PCDHAC1: variants seen among roughly 807,000 people sequenced by gnomAD.
PCDHAC1 encodes the protein protocadherin alpha subfamily C, 1.
Under a neutral mutation model 60.0 loss-of-function variants are expected in PCDHAC1, and 42 were observed. The ratio of observed to expected loss-of-function variants is 0.70; its 90% CI spans 0.55 to 0.90. The LOEUF (loss-of-function observed/expected upper bound fraction) is 0.90. Ranked by LOEUF, PCDHAC1 falls within the 40% of genes least tolerant of loss-of-function variation. The probability of loss-of-function intolerance (pLI) is 0.00; values close to 1 mark genes in which losing one functional copy is unlikely to be tolerated. For synonymous variants in PCDHAC1, 468 were observed against 499.3 expected (o/e 0.94, Z 0.84); for missense variants, 1,160 against 1,222.3 (o/e 0.95, Z 0.76).
intron 1 of PCDHAC1, among the ~76,000 whole-genome samples, chr5:140,937,039 CTTTT>C (rs34994034): frequency 1.4e-5 from 2 of 140,156 alleles, no homozygotes; most frequent in African/African-American, 2.6e-5. Flanking sequence ...TTCCATTTAT[CTTTT>C]TTTTTTTTTT....
intron 1 of PCDHAC1, among the ~76,000 whole-genome samples, chr5:140,955,756 A>G (rs987029779): frequency 2.6e-5 from 4 of 152,182 alleles, no homozygotes; most frequent in African/African-American, 9.7e-5. Flanking sequence ...TATTGCCATA[A>G]CACTGATTCT....
At chr5:140,931,390 G>A (rs1296292494) in intron 1 of PCDHAC1, among the ~76,000 whole-genome samples, 1 of 152,038 alleles carries the variant, frequency 6.6e-6, no homozygotes, top group Non-Finnish European at 1.5e-5. Flanking sequence ...GGAAACATAA[G>A]TAAGCGATAG....
At chr5:140,994,451 C>T (rs782287082) in intron 3 of PCDHAC1, among the ~76,000 whole-genome samples, 14 of 152,116 alleles carry the variant, frequency 9.2e-5, no homozygotes, top group Non-Finnish European at 1.6e-4. Flanking sequence ...ACCTGTGATC[C>T]CAGCACTTTG....
At chr5:140,992,643 A>C (rs1215653539) in intron 3 of PCDHAC1, among the ~76,000 whole-genome samples, 1 of 152,148 alleles carries the variant, frequency 6.6e-6, no homozygotes. Context: ...CCTGGAAAAT[A>C]GAAGAAAGAG....
intron 3 of PCDHAC1, among the ~76,000 whole-genome samples, chr5:141,000,421 ATTTT>A (rs34755515): frequency 0.018 from 509 of 27,798 alleles, 2 homozygotes; most frequent in African/African-American, 0.027. Context: ...ATATATATAT[ATTTT>A]TTTTTTTTTT....
In PCDHAC1 at chr5:141,011,378, C is replaced by T. The variant is rs1419825590; in HGVS notation, c.*1441C>T. 1 of 153,742 alleles carries T rather than the reference C, an allele frequency of 6.5e-6. No individual in the cohort carries two copies. Among genetic ancestry groups the T allele is most frequent in the African/African-American group, 2.4e-5 (1 of 41,460 alleles). The allele number at this position is 153,742 out of a possible 1,614,324, so 9.5% of individuals were successfully genotyped here. Reference sequence around the variant, plus strand: ...ATGTATGCTGTATGCTATGCTAAGACTCCTGAAATATACTTACTCTGTGCT... The same window carrying T: ...ATGTATGCTGTATGCTATGCTAAGATTCCTGAAATATACTTACTCTGTGCT... On this transcript the variant is annotated 3_prime_UTR_variant, in exon 4 of 4. Coordinates refer to ENST00000253807, the MANE Select transcript of PCDHAC1 (RefSeq NM_018898.5).
chr5:140,947,290 T>G (rs1554218137), intron 1 of PCDHAC1, among the ~76,000 whole-genome samples: 2 of 151,614 alleles, frequency 1.3e-5, no homozygotes, highest in Non-Finnish European at 3.0e-5. Context: ...TTTTATTGCA[T>G]TATCTTGACA....
chr5:140,998,893 C>T (rs144409989), intron 3 of PCDHAC1, among the ~76,000 whole-genome samples: 1 of 152,306 alleles, frequency 6.6e-6, no homozygotes, highest in African/African-American at 2.4e-5. Flanking sequence ...GAATAAATAA[C>T]AATGCCTCCG....
chr5:140,929,311 A>G lies in PCDHAC1; in HGVS notation c.2419A>G (p.Asn807Asp), dbSNP rs782099747. ...QIRNRKGDHANVNAMPRQPNP... is the reference protein window; with the variant it reads ...QIRNRKGDHADVNAMPRQPNP... The stretch of plus-strand genomic sequence containing the variant: ...TCGGAATAGGAAAGGGGATCACGCT[A>G]ATGTCAATGCCATGGTAAGCAAATT... The change falls in exon 1 of 4, where the codon AAT becomes GAT. Residue 807 changes from asparagine (N) to aspartate (D), a missense_variant. Physicochemically the swap from Asn to Asp is conservative, Grantham distance 23. This residue lies in a region of PCDHAC1 where 1,113 missense variants were observed against 1,163.7 expected (regional missense o/e 0.96). Coordinates refer to ENST00000253807, the MANE Select transcript of PCDHAC1 (RefSeq NM_018898.5). The G allele has an allele frequency of 1.9e-6, 3 of 1,567,640 alleles. No individual in the cohort carries two copies. The South Asian group carries it at 3.5e-5, about 18-fold the overall frequency.
chr5:140,971,973 A>G (rs1554233757), intron 1 of PCDHAC1, among the ~76,000 whole-genome samples: 1 of 152,218 alleles, frequency 6.6e-6, no homozygotes, highest in South Asian at 2.1e-4. Flanking sequence ...TTTCAATACT[A>G]TGAGTAGACA....
At chr5:140,943,718 C>G (rs2093552773) in intron 1 of PCDHAC1, among the ~76,000 whole-genome samples, 1 of 152,020 alleles carries the variant, frequency 6.6e-6, no homozygotes, top group South Asian at 2.1e-4. Flanking sequence ...ATTTAAAGGT[C>G]TGAGAGAATG....
rs2085123670 is a variant in PCDHAC1 at position 140,928,293 on chromosome 5, G to GT, written c.1404dup (p.Ala469CysfsTer15). The GT allele has an allele frequency of 6.2e-7, 1 of 1,614,032 alleles. No individual in the cohort carries two copies. The highest frequency in any genetic ancestry group is 1.1e-5 in the South Asian group (1 of 91,090). The stretch of plus-strand genomic sequence containing the variant: ...GCCCTGGGGCCTCTCTAGGCCGAGT[G>GT]TTTGCCCAGGACCCCGACCTGGGGA... On this transcript the variant is annotated frameshift_variant, in exon 1 of 4. Coordinates refer to ENST00000253807, the MANE Select transcript of PCDHAC1 (RefSeq NM_018898.5). LOFTEE classifies it high-confidence loss of function.
At chr5:141,009,538 C>T (rs1159631714) in intron 3 of PCDHAC1, 89 bp from the exon 4 acceptor site, 11 of 1,522,362 alleles carry the variant, frequency 7.2e-6, no homozygotes, top group African/African-American at 1.4e-5. Context: ...GTTCAGCCTG[C>T]CTATGCAGTA....
At chr5:140,936,552 T>C (rs1408956922) in intron 1 of PCDHAC1, among the ~76,000 whole-genome samples, 5 of 152,234 alleles carry the variant, frequency 3.3e-5, no homozygotes, top group Admixed American at 3.3e-4. Flanking sequence ...AATGTAGAAG[T>C]CAAGATTTAT....
rs1476497862 is a variant in PCDHAC1 at position 140,947,129 on chromosome 5, T to TAGTAAAATG, written c.2433+17805_2433+17813dup. Among the ~76,000 whole-genome samples the TAGTAAAATG allele has an allele frequency of 1.0e-3, 152 of 151,378 alleles. 1 individual carries two copies. Among genetic ancestry groups the TAGTAAAATG allele is most frequent in the African/African-American group, 3.5e-3 (145 of 41,346 alleles). On this transcript the variant is annotated intron_variant, in intron 1 of 3. Transcript: ENST00000253807. The stretch of plus-strand genomic sequence containing the variant: ...TACGTGTCAATTAAAATAATAAAAA[T>TAGTAAAATG]AGTAAAATGTATAGTTACTTCCACG...
intron 1 of PCDHAC1, chr5:140,968,903 A>G: frequency 6.2e-7 from 1 of 1,614,216 alleles, no homozygotes; most frequent in Non-Finnish European, 8.5e-7. Context: ...AATAGCATTA[A>G]GCACAGTGTC....
At chr5:140,971,366 G>A (rs1554233245) in intron 1 of PCDHAC1, among the ~76,000 whole-genome samples, 1 of 152,186 alleles carries the variant, frequency 6.6e-6, no homozygotes, top group Non-Finnish European at 1.5e-5. Flanking sequence ...TTTGCCAGGA[G>A]AGTGCATGAC....
intron 1 of PCDHAC1, among the ~76,000 whole-genome samples, chr5:140,947,805 G>T (rs1474604810): frequency 6.6e-6 from 1 of 151,504 alleles, no homozygotes; most frequent in Non-Finnish European, 1.5e-5. Flanking sequence ...TTAATTTGCA[G>T]AGACTATTTC....
intron 1 of PCDHAC1, among the ~76,000 whole-genome samples, chr5:140,957,854 T>C (rs2095390646): frequency 6.6e-6 from 1 of 151,872 alleles, no homozygotes; most frequent in Non-Finnish European, 1.5e-5. Context: ...GTTTGTGTAT[T>C]TTTTTTCCTA....
Sources: allele counts gnomAD v4.1 joint callset (sites outside exome capture counted in the v4.1 genomes callset), GRCh38; gene constraint gnomAD v4.1.1; regional missense constraint gnomAD v4.1.1; transcripts MANE v1.5; gene names NCBI Gene and HGNC (gene_info 2026-07-23, HGNC 2026-07-21).